CCDC88A: variants seen among roughly 807,000 people sequenced by gnomAD.
CCDC88A encodes the protein girdin.
In CCDC88A, 54 loss-of-function variants were observed where a neutral mutation model predicts 234.3. The ratio of observed to expected loss-of-function variants is 0.23; its 90% CI spans 0.19 to 0.29. CCDC88A has a LOEUF of 0.29. Among genes scored for constraint, CCDC88A ranks in the 10% least tolerant of loss-of-function variants. The pLI is 1.00. For missense variants in CCDC88A, 1,832 were observed against 2,123.4 expected, an observed-to-expected ratio of 0.86 and a Z score of 2.70; for synonymous variants, 753 against 737.8, an observed-to-expected ratio of 1.02 and a Z score of -0.33.
chr2:55,370,843 TAAA>T lies in CCDC88A; in HGVS notation c.402+1606_402+1608del, dbSNP rs10606095. Among the ~76,000 whole-genome samples the T allele has an allele frequency of 7.3e-3, 992 of 135,344 alleles. 11 individuals are homozygous for T. The highest frequency in any genetic ancestry group is 0.025 in the African/African-American group (932 of 36,822). The allele number at this position is 135,344 out of a possible 152,430, so 88.8% of individuals were successfully genotyped here. A position where few individuals can be genotyped will look rare whatever the true frequency, so the allele number is the denominator to read the frequency against. On this transcript the variant is annotated intron_variant, in intron 5 of 32. Coordinates refer to ENST00000436346, the MANE Select transcript of CCDC88A (RefSeq NM_001365480.1). ...GGCAACACAGTGAGGCCCCATTTCT[TAAA>T]AAAAAAAAAAAAAAAATTAACCAGG...
At position 55,367,528 on chromosome 2, in the gene CCDC88A, G is replaced by GTTTTTTTTTTTTTTTTTTTTTTT; in HGVS notation, c.403-3496_403-3495insAAAAAAAAAAAAAAAAAAAAAAA. 3.1e-3 allele frequency among the ~76,000 whole-genome samples: 313 copies of GTTTTTTTTTTTTTTTTTTTTTTT among 99,822 alleles called. 35 individuals are homozygous for GTTTTTTTTTTTTTTTTTTTTTTT. Among genetic ancestry groups the GTTTTTTTTTTTTTTTTTTTTTTT allele is most frequent in the African/African-American group, 7.2e-3 (168 of 23,334 alleles). The allele number at this position is 99,822 out of a possible 152,430, so 65.5% of individuals were successfully genotyped here. A position where few individuals can be genotyped will look rare whatever the true frequency, so the allele number is the denominator to read the frequency against. ...TTGCTAGAAATTGTTTTATTTCCTTGTTTTTTTTTAAGAGACTGGGTCTTG... is the reference window on the plus strand; with the variant it reads ...TTGCTAGAAATTGTTTTATTTCCTTGTTTTTTTTTTTTTTTTTTTTTTTTTTTTTTTTAAGAGACTGGGTCTTG... On this transcript the variant is annotated intron_variant, in intron 5 of 32. Transcript: ENST00000436346.
intron 5 of CCDC88A, among the ~76,000 whole-genome samples, chr2:55,370,682 A>G (rs1372361485): frequency 6.8e-6 from 1 of 147,990 alleles, no homozygotes; most frequent in Non-Finnish European, 1.5e-5. Context: ...ATTAACTTGC[A>G]TATAATTAGT....
rs566285946 is a variant in CCDC88A, at chr2:55,327,405, G to A, written c.2997+889C>T. On this transcript the variant is annotated intron_variant, in intron 17 of 32. Coordinates refer to ENST00000436346, the MANE Select transcript of CCDC88A (RefSeq NM_001365480.1). ...CATACCTTTGGAGTTGCTGCAAGAGGTAATGACTGCTATGAGTATACGGAT... is the reference window on the plus strand; with the variant it reads ...CATACCTTTGGAGTTGCTGCAAGAGATAATGACTGCTATGAGTATACGGAT... 9.0e-4 allele frequency among the ~76,000 whole-genome samples: 137 copies of A among 152,298 alleles called. 1 individual carries two copies. The highest frequency in any genetic ancestry group is 6.8e-3 in the Middle Eastern group (2 of 294).
chr2:55,419,531 C>CCGGG lies in CCDC88A; in HGVS notation c.-453_-452insCCCG. 7.2e-6 allele frequency: 1 copy of CCGGG among 138,900 alleles called. No individual in the cohort carries two copies. The highest frequency in any genetic ancestry group is 1.6e-5 in the Non-Finnish European group (1 of 63,094). 8.6% of individuals were successfully genotyped at this position (138,900 alleles called of 1,614,324 possible). ...AAGGATACCGAGGCGCCACCAGACTCGACCTCGGCGTTCCGACCTCTACAC... is the reference window on the plus strand; with the variant it reads ...AAGGATACCGAGGCGCCACCAGACTCCGGGGACCTCGGCGTTCCGACCTCTACAC... On this transcript the variant is annotated 5_prime_UTR_variant, in exon 1 of 33. Coordinates refer to ENST00000436346, the MANE Select transcript of CCDC88A (RefSeq NM_001365480.1).
rs1673374552 is a variant in CCDC88A at position 55,374,829 on chromosome 2, T to G, written c.328A>C (p.Lys110Gln). 1.2e-6 allele frequency: 2 copies of G among 1,605,312 alleles called. No individual in the cohort carries two copies. The highest frequency in any genetic ancestry group is 1.1e-5 in the South Asian group (1 of 90,454). The part of the protein sequence containing the change: ...MSLPNVLIIG[K>Q]NPFSEQGTEE... The stretch of plus-strand genomic sequence containing the variant: ...TAATACTTACCAGAAAAGGGATTTT[T>G]GCCAATGATTAAGACATTTGGCAAC... Residue 110 changes from lysine to glutamine, a missense_variant, in exon 4 of 33, where the codon AAA (lysine) becomes CAA (glutamine). Transcript: ENST00000436346.
chr2:55,367,199 T>C (rs553920402), intron 5 of CCDC88A, among the ~76,000 whole-genome samples: 2 of 152,156 alleles, frequency 1.3e-5, no homozygotes, highest in East Asian at 3.9e-4. Flanking sequence ...CCTAGAACAA[T>C]CGAATTCATA....
Position 55,363,960 on chromosome 2 carries a change from T to C in CCDC88A, c.476A>G (p.His159Arg), listed in dbSNP as rs1375133823. The C allele has an allele frequency of 6.3e-7, 1 of 1,589,946 alleles. No homozygotes were observed. Residue 159 changes from histidine to arginine, a missense_variant, in exon 6 of 33, where the codon CAT (histidine) becomes CGT (arginine). Physicochemically the swap from His to Arg is conservative, Grantham distance 29. Coordinates refer to ENST00000436346, the MANE Select transcript of CCDC88A (RefSeq NM_001365480.1). Reference protein sequence around the residue: ...DFDTKAAVAAHIQEVTHNQEN... With the variant: ...DFDTKAAVAARIQEVTHNQEN... ...TATATATGTCATTACCTCTTGAATA[T>C]GTGCGGCAACCGCTGCTTTTGTATC... is the stretch of plus-strand genomic sequence containing the variant.
intron 2 of CCDC88A, among the ~76,000 whole-genome samples, chr2:55,412,808 T>C (rs1029944005): frequency 6.6e-6 from 1 of 152,232 alleles, no homozygotes; most frequent in Non-Finnish European, 1.5e-5. Context: ...TTCTATTTGA[T>C]TCTCATAACA....
rs868513710 is a variant in CCDC88A, at chr2:55,309,814, G to A, written c.4080-560C>T. On this transcript the variant is annotated intron_variant, in intron 23 of 32. Coordinates refer to ENST00000436346, the MANE Select transcript of CCDC88A (RefSeq NM_001365480.1). The surrounding 1 kb of genome is among the most constrained non-coding windows in gnomAD (Gnocchi z 5.1). Reference sequence around the variant, plus strand: ...TCATTTACAATGAGGAAGGCATGAGGTATATATGAAGATGAATAATAAATA... The same window carrying A: ...TCATTTACAATGAGGAAGGCATGAGATATATATGAAGATGAATAATAAATA... Among the ~76,000 whole-genome samples, 33 of 152,160 alleles carry A rather than the reference G, an allele frequency of 2.2e-4. No homozygotes were observed. Among genetic ancestry groups the A allele is most frequent in the Non-Finnish European group, 3.5e-4 (24 of 68,002 alleles).
intron 3 of CCDC88A, among the ~76,000 whole-genome samples, chr2:55,378,133 TCTTC>T (rs1223592846): frequency 2.0e-5 from 3 of 152,162 alleles, no homozygotes; most frequent in African/African-American, 7.2e-5. Context: ...TGGATAGTAA[TCTTC>T]AATGTGGTCC....
intron 2 of CCDC88A, among the ~76,000 whole-genome samples, chr2:55,392,921 A>C (rs1469035187): frequency 6.6e-6 from 1 of 152,150 alleles, no homozygotes; most frequent in African/African-American, 2.4e-5. Context: ...TTATTACTAT[A>C]GCTTTATTAT....
rs1681997341 is a variant in CCDC88A at position 55,309,091 on chromosome 2, T to G, written c.4173-68A>C. 1 of 1,455,886 alleles carries G rather than the reference T, an allele frequency of 6.9e-7. No homozygotes were observed. Among genetic ancestry groups the G allele is most frequent in the Non-Finnish European group, 9.6e-7 (1 of 1,043,196 alleles). 90.2% of individuals were successfully genotyped at this position (1,455,886 alleles called of 1,614,324 possible). A position where few individuals can be genotyped will look rare whatever the true frequency, so the allele number is the denominator to read the frequency against. On this transcript the variant is annotated intron_variant, in intron 24 of 32. Coordinates refer to ENST00000436346, the MANE Select transcript of CCDC88A (RefSeq NM_001365480.1). The surrounding 1 kb of genome is among the most constrained non-coding windows in gnomAD (Gnocchi z 5.1). ...TACAAATCCTTCACAAAAGTAGAAG[T>G]CATCACAATATTAGAAATAACCTAG... is the stretch of plus-strand genomic sequence containing the variant.
chr2:55,370,682 A>T (rs1372361485), intron 5 of CCDC88A, among the ~76,000 whole-genome samples: 1 of 147,990 alleles, frequency 6.8e-6, no homozygotes, highest in Non-Finnish European at 1.5e-5. Flanking sequence ...ATTAACTTGC[A>T]TATAATTAGT....
Position 55,317,616 on chromosome 2 carries a change from G to C in CCDC88A, c.3550C>G (p.Leu1184Val). 1 of 1,604,754 alleles carries C rather than the reference G, an allele frequency of 6.2e-7. No individual in the cohort carries two copies. Among genetic ancestry groups the C allele is most frequent in the Non-Finnish European group, 8.5e-7 (1 of 1,173,202 alleles). Residue 1184 changes from leucine to valine, a missense_variant, in exon 20 of 33, where the codon CTG (leucine) becomes GTG (valine). Around this residue, in one of 6 missense-constraint regions of CCDC88A, gnomAD observed 1,282 missense variants for 1,543.6 expected, o/e 0.83. Transcript: ENST00000436346. The surrounding 1 kb of genome is among the most constrained non-coding windows in gnomAD (Gnocchi z 4.2). The part of the protein sequence containing the change: ...YESLISKHGT[L>V]KSAHKNLEVE... ...TCAAGATTTTTGTGGGCAGACTTCAGAGTTCCATGTTTAGAGATAAGAGAT... is the reference window on the plus strand; with the variant it reads ...TCAAGATTTTTGTGGGCAGACTTCACAGTTCCATGTTTAGAGATAAGAGAT...
At position 55,355,548 on chromosome 2, in the gene CCDC88A, A is replaced by T. The variant is rs1437394; in HGVS notation, c.800+31T>A. On this transcript the variant is annotated intron_variant, in intron 8 of 32. Transcript: ENST00000436346. The stretch of plus-strand genomic sequence containing the variant: ...TTAGGTCACCTTTGGGACCATATAA[A>T]TTCAATGAACCTCAAAAATCAGCAA... The T allele has an allele frequency of 0.43, 688,392 of 1,598,006 alleles. 154,041 individuals are homozygous for T. Among genetic ancestry groups the T allele is most frequent in the East Asian group, 0.82 (36,940 of 44,792 alleles).
chr2:55,395,945 G>C (rs1422822538), intron 2 of CCDC88A, among the ~76,000 whole-genome samples: 1 of 152,170 alleles, frequency 6.6e-6, no homozygotes, highest in African/African-American at 2.4e-5. Flanking sequence ...AAAACAAGGA[G>C]ACTATATTGT....
intron 7 of CCDC88A, among the ~76,000 whole-genome samples, chr2:55,359,621 T>A (rs1220626415): frequency 6.6e-6 from 1 of 150,474 alleles, no homozygotes; most frequent in African/African-American, 2.4e-5. Context: ...AAATATATAC[T>A]ATATGCTATA....
chr2:55,365,586 G>A lies in CCDC88A; in HGVS notation c.403-1553C>T, dbSNP rs985926361. On this transcript the variant is annotated intron_variant, in intron 5 of 32. Coordinates refer to ENST00000436346, the MANE Select transcript of CCDC88A (RefSeq NM_001365480.1). Reference sequence around the variant, plus strand: ...TTACTTGTACTATCTTTAGGAGCTCGTCCTTTAGCACAATCTCAACACAAA... The same window carrying A: ...TTACTTGTACTATCTTTAGGAGCTCATCCTTTAGCACAATCTCAACACAAA... Among the ~76,000 whole-genome samples the A allele has an allele frequency of 5.9e-5, 9 of 152,174 alleles. No homozygotes were observed. In the East Asian group the frequency reaches 1.3e-3, roughly 23 times the overall value.
chr2:55,388,736 A>C, intron 3 of CCDC88A, 42 bp downstream of exon 3: 1 of 750,658 alleles, frequency 1.3e-6, no homozygotes, highest in Non-Finnish European at 2.3e-6. Flanking sequence ...ACAAAAATGT[A>C]AGTAGTTATT....
Sources: gnomAD v4.1 joint callset for allele counts (sites outside exome capture counted in the v4.1 genomes callset) on GRCh38, gnomAD v4.1.1 for gene constraint, gnomAD v4.1.1 regional missense constraint, Gnocchi (gnomAD v3.1) non-coding constraint, MANE v1.5 for transcripts, NCBI Gene and HGNC (gene_info 2026-07-23, HGNC 2026-07-21) for gene names.